SPOCK2: variants seen among roughly 807,000 people sequenced by gnomAD.
SPOCK2 encodes SPARC (osteonectin), cwcv and kazal like domains proteoglycan 2.
In SPOCK2, 39 loss-of-function variants were observed where a neutral mutation model predicts 60.1. That is an observed-to-expected ratio of 0.65 (90% CI 0.50 to 0.85). The LOEUF (loss-of-function observed/expected upper bound fraction) is 0.85. Among genes scored for constraint, SPOCK2 ranks in the 40% least tolerant of loss-of-function variants. The pLI is 0.00. For missense variants in SPOCK2, 523 were observed against 567.4 expected (o/e 0.92, Z 0.80); for synonymous variants, 217 against 231.5 (o/e 0.94, Z 0.57).
At chr10:72,071,543 C>T (rs930944369) in intron 4 of SPOCK2, among the ~76,000 whole-genome samples, 2 of 152,190 alleles carry the variant, frequency 1.3e-5, no homozygotes, top group Non-Finnish European at 2.9e-5. Flanking sequence ...CAAGCTACAA[C>T]CTCTCACAAG....
Position 72,067,654 on chromosome 10 carries a change from T to G in SPOCK2, c.668A>C (p.Lys223Thr). Reference protein sequence around the residue: ...DWFQLLHENSKQNGSASSVAG... With the variant: ...DWFQLLHENSTQNGSASSVAG... Reference sequence around the variant, plus strand: ...TACACTGCTGGCTGAGCCATTCTGCTTGGAGTTCTCATGAAGGAGCTGGAA... The same window carrying G: ...TACACTGCTGGCTGAGCCATTCTGCGTGGAGTTCTCATGAAGGAGCTGGAA... The change falls in exon 7 of 11, where the codon AAG (lysine) becomes ACG (threonine). Residue 223 changes from lysine to threonine, a missense_variant. Coordinates refer to ENST00000373109, the MANE Select transcript of SPOCK2 (RefSeq NM_001244950.2). The G allele has an allele frequency of 1.2e-6, 2 of 1,613,748 alleles. No individual in the cohort carries two copies. The highest frequency in any genetic ancestry group is 1.7e-6 in the Non-Finnish European group (2 of 1,180,016).
rs1177879418 is a variant in SPOCK2, at chr10:72,060,020, G to A, written c.*2740C>T. ...TCCCCTACCTGCCTAAGCCAGGGGAGTGGGGGCAGGAAGGAGCGAGGCATC... is the reference window on the plus strand; with the variant it reads ...TCCCCTACCTGCCTAAGCCAGGGGAATGGGGGCAGGAAGGAGCGAGGCATC... On this transcript the variant is annotated 3_prime_UTR_variant, in exon 11 of 11. Transcript: ENST00000373109. 1 of 152,530 alleles carries A rather than the reference G, an allele frequency of 6.6e-6. No individual in the cohort carries two copies. Among genetic ancestry groups the A allele is most frequent in the South Asian group, 2.1e-4 (1 of 4,834 alleles). The allele number at this position is 152,530 out of a possible 1,614,324, so 9.4% of individuals were successfully genotyped here. A position where few individuals can be genotyped will look rare whatever the true frequency, so the allele number is the denominator to read the frequency against.
Position 72,067,710 on chromosome 10 carries a change from C to G in SPOCK2, c.612G>C (p.Leu204=), listed in dbSNP as rs1406973048. ...CCCGCAGCCGATCTCCCAGGTCAGCCAGGTCCTGACCGGTGCAAGTCTCTG... is the reference window on the plus strand; with the variant it reads ...CCCGCAGCCGATCTCCCAGGTCAGCGAGGTCCTGACCGGTGCAAGTCTCTG... The part of the protein sequence containing the change: ...GKPETCTGQD[L]ADLGDRLRDW... The change falls in exon 7 of 11, where the codon CTG becomes CTC. Residue 204 remains leucine, a synonymous_variant. Transcript: ENST00000373109. 1.9e-6 allele frequency: 3 copies of G among 1,613,588 alleles called. No individual in the cohort carries two copies. In the East Asian group the frequency reaches 6.7e-5, roughly 36 times the overall value.
chr10:72,086,343 C>T, intron 1 of SPOCK2: 1 of 996,386 alleles, frequency 1.0e-6, no homozygotes, highest in Non-Finnish European at 1.2e-6. Context: ...GTCATTTATT[C>T]TCACCCACGG....
rs538413797 is a variant in SPOCK2, at chr10:72,072,660, C to T, written c.199-112G>A. ...GCCAGCGATGTCATGTGCCAATGGC[C>T]GTCATCCTGGTGGCTGACCCCTGTC... On this transcript the variant is annotated intron_variant, in intron 2 of 10. Coordinates refer to ENST00000373109, the MANE Select transcript of SPOCK2 (RefSeq NM_001244950.2). 1.4e-4 allele frequency: 218 copies of T among 1,513,484 alleles called. 1 individual carries two copies. In the African/African-American group the frequency reaches 2.3e-3, roughly 16 times the overall value. The allele number at this position is 1,513,484 out of a possible 1,614,324, so 93.8% of individuals were successfully genotyped here. A position where few individuals can be genotyped will look rare whatever the true frequency, so the allele number is the denominator to read the frequency against.
intron 5 of SPOCK2, chr10:72,069,182 TCTGCCAGCTCCCCTGCAC>T (rs1840612227): frequency 1.2e-5 from 2 of 161,236 alleles, no homozygotes; most frequent in African/African-American, 4.8e-5. Context: ...CTCTGCCAGC[TCTGCCAGCTCCCCTGCAC>T]CCCTCTCACC....
At position 72,059,396 on chromosome 10, in the gene SPOCK2, G is replaced by A. The variant is rs1034981022; in HGVS notation, c.*3364C>T. ...ATTCCTAACTCTAAGCTCAGTTATTGCACATCACACAGTTTAAGCAGGCTT... is the reference window on the plus strand; with the variant it reads ...ATTCCTAACTCTAAGCTCAGTTATTACACATCACACAGTTTAAGCAGGCTT... On this transcript the variant is annotated 3_prime_UTR_variant, in exon 11 of 11. Coordinates refer to ENST00000373109, the MANE Select transcript of SPOCK2 (RefSeq NM_001244950.2). 2 of 152,264 alleles carry A rather than the reference G, an allele frequency of 1.3e-5. No individual in the cohort carries two copies. The highest frequency in any genetic ancestry group is 4.8e-5 in the African/African-American group (2 of 41,440). 9.4% of individuals were successfully genotyped at this position (152,264 alleles called of 1,614,324 possible).
Position 72,060,412 on chromosome 10 carries a change from C to G in SPOCK2, c.*2348G>C, listed in dbSNP as rs770590530. ...ACAGAGAGAGCACGTGTCCCAGGAG[C>G]GGAGGGTGACATCAAGAGGACAGGG... is the stretch of plus-strand genomic sequence containing the variant. On this transcript the variant is annotated 3_prime_UTR_variant, in exon 11 of 11. Transcript: ENST00000373109. 1.3e-5 allele frequency: 2 copies of G among 152,200 alleles called. No homozygotes were observed. Among genetic ancestry groups the G allele is most frequent in the African/African-American group, 2.4e-5 (1 of 41,400 alleles). The allele number at this position is 152,200 out of a possible 1,614,324, so 9.4% of individuals were successfully genotyped here.
chr10:72,086,321 G>A, intron 1 of SPOCK2: 1 of 993,898 alleles, frequency 1.0e-6, no homozygotes, highest in Non-Finnish European at 1.2e-6. Flanking sequence ...GTGCCATGGG[G>A]TCAAGCAGTA....
chr10:72,084,226 T>TG (rs1248985611), intron 1 of SPOCK2, among the ~76,000 whole-genome samples: 1 of 152,180 alleles, frequency 6.6e-6, no homozygotes, highest in African/African-American at 2.4e-5. Context: ...GGTTTTTCCG[T>TG]GGGGGAGGAG....
At chr10:72,082,272 G>A (rs559609071) in intron 1 of SPOCK2, among the ~76,000 whole-genome samples, 3 of 152,302 alleles carry the variant, frequency 2.0e-5, no homozygotes, top group South Asian at 2.1e-4. Context: ...AGCCACAGCC[G>A]GGCCAGGTCT....
In SPOCK2 at chr10:72,060,054, G is replaced by A. The variant is rs1840471706; in HGVS notation, c.*2706C>T. The A allele has an allele frequency of 6.6e-6, 1 of 152,398 alleles. No homozygotes were observed. Among genetic ancestry groups the A allele is most frequent in the South Asian group, 2.1e-4 (1 of 4,834 alleles). 9.4% of individuals were successfully genotyped at this position (152,398 alleles called of 1,614,324 possible). ...GGAAGGAGCGAGGCATCGAGGAGAGGGCACTGGAGGGGCTGGGTGGCAGGC... is the reference window on the plus strand; with the variant it reads ...GGAAGGAGCGAGGCATCGAGGAGAGAGCACTGGAGGGGCTGGGTGGCAGGC... On this transcript the variant is annotated 3_prime_UTR_variant, in exon 11 of 11. Transcript: ENST00000373109.
chr10:72,077,635 A>G (rs1840730289), intron 1 of SPOCK2, among the ~76,000 whole-genome samples: 1 of 152,180 alleles, frequency 6.6e-6, no homozygotes, highest in Non-Finnish European at 1.5e-5. Flanking sequence ...TCTTCACCCC[A>G]AACACGGGGC....
At chr10:72,080,077 G>A (rs1317257921) in intron 1 of SPOCK2, among the ~76,000 whole-genome samples, 1 of 152,068 alleles carries the variant, frequency 6.6e-6, no homozygotes, top group African/African-American at 2.4e-5. Context: ...CACACCCGGG[G>A]AGCCTAGGGA....
intron 1 of SPOCK2, chr10:72,086,197 A>T (rs1183653142): frequency 2.0e-6 from 2 of 985,764 alleles, no homozygotes; most frequent in African/African-American, 3.5e-5. Flanking sequence ...CTTTCCCATG[A>T]ATCTTACATG....
chr10:72,062,737 C>A lies in SPOCK2; in HGVS notation c.*23G>T, dbSNP rs200505277. The A allele has an allele frequency of 4.6e-4, 733 of 1,589,672 alleles. 4 individuals carry two copies. In the South Asian group the frequency reaches 6.9e-3, roughly 15 times the overall value. ...CAGAGCTCTGCTGTTGAGTCCCCCC[C>A]GGCAGCCGGCTCCTGAGGGCGTCTA... On this transcript the variant is annotated 3_prime_UTR_variant, in exon 11 of 11. Transcript: ENST00000373109. The surrounding 1 kb of genome is among the most constrained non-coding windows in gnomAD (Gnocchi z 4.3).
intron 1 of SPOCK2, chr10:72,086,116 C>T (rs1453107956): frequency 3.3e-6 from 3 of 901,442 alleles, no homozygotes; most frequent in East Asian, 2.4e-4. Flanking sequence ...CCAGGACTAC[C>T]TTAAATGGGG....
In SPOCK2 at chr10:72,066,937, G is replaced by C. The variant is rs1430168907; in HGVS notation, c.893C>G (p.Ser298Cys). Residue 298 changes from serine to cysteine, a missense_variant, in exon 8 of 11, where the codon TCT becomes TGT. Ser to Cys is a moderately radical substitution (Grantham distance 112). Coordinates refer to ENST00000373109, the MANE Select transcript of SPOCK2 (RefSeq NM_001244950.2). ...GAAGCAGAAGCACCACTCAGCAGTA[G>C]AGACCCGGCCATCCTTGTAGGTGTC... ...SCDTYKDGRV[S>C]TAEWCFCFWR... 23 of 1,614,216 alleles carry C rather than the reference G, an allele frequency of 1.4e-5. No individual in the cohort carries two copies. The highest frequency in any genetic ancestry group is 1.9e-5 in the Non-Finnish European group (23 of 1,180,038).
chr10:72,082,437 C>G (rs190631889), intron 1 of SPOCK2, among the ~76,000 whole-genome samples: 167 of 152,326 alleles, frequency 1.1e-3, no homozygotes, highest in African/African-American at 3.5e-3. Context: ...TGTGTCCCCC[C>G]CAGACCCATA....
Sources: allele counts gnomAD v4.1 joint callset (sites outside exome capture counted in the v4.1 genomes callset), GRCh38; gene constraint gnomAD v4.1.1; non-coding constraint Gnocchi (gnomAD v3.1); transcripts MANE v1.5; gene names NCBI Gene and HGNC (gene_info 2026-07-23, HGNC 2026-07-21).